The following CAMK2D variants were observed in gnomAD, a reference collection of about 807,000 sequenced individuals.
The protein encoded by CAMK2D is calcium/calmodulin dependent protein kinase II delta.
CAMK2D carries 37 observed loss-of-function variants against 84.0 expected under a neutral mutation model. That is an observed-to-expected ratio of 0.44 (90% CI 0.34 to 0.58). The LOEUF is 0.58. Among genes scored for constraint, CAMK2D ranks in the 20% least tolerant of loss-of-function variants. The pLI is 0.02. For missense variants in CAMK2D, 448 were observed against 652.5 expected (o/e 0.69, Z 3.41); for synonymous variants, 202 against 212.5 (o/e 0.95, Z 0.43).
chr4:113,523,489 T>C (rs1040931132), intron 8 of CAMK2D, among the ~76,000 whole-genome samples: 17 of 151,970 alleles, frequency 1.1e-4, no homozygotes, highest in Admixed American at 1.0e-3. Flanking sequence ...CTTTAAATTG[T>C]ACATAAAAAA....
intron 4 of CAMK2D, among the ~76,000 whole-genome samples, chr4:113,573,547 G>C (rs950395685): frequency 5.8e-4 from 89 of 152,300 alleles, no homozygotes; most frequent in African/African-American, 2.1e-3. Flanking sequence ...AAGAGGCAAG[G>C]AAATACCAAA....
chr4:113,638,392 G>A (rs931634274), intron 3 of CAMK2D, among the ~76,000 whole-genome samples: 18 of 152,234 alleles, frequency 1.2e-4, no homozygotes, highest in Admixed American at 4.6e-4. Context: ...ATGAGCCTGC[G>A]AACAATGAGA....
intron 2 of CAMK2D, among the ~76,000 whole-genome samples, chr4:113,688,910 CAAAAAAAAAAAA>C (rs34196728): frequency 3.4e-3 from 170 of 49,738 alleles, no homozygotes; most frequent in African/African-American, 0.013. Context: ...AAAGAAGATG[CAAAAAAAAAAAA>C]AAAAAAAAAA....
At chr4:113,473,880 C>A (rs926030796) in intron 16 of CAMK2D, among the ~76,000 whole-genome samples, 1 of 151,906 alleles carries the variant, frequency 6.6e-6, no homozygotes, top group South Asian at 2.1e-4. Context: ...TCACGGGTTA[C>A]AGTAAAATAT....
At chr4:113,527,346 C>T (rs2098425876) in intron 8 of CAMK2D, among the ~76,000 whole-genome samples, 1 of 151,896 alleles carries the variant, frequency 6.6e-6, no homozygotes, top group Non-Finnish European at 1.5e-5. Context: ...TCAAGATCCT[C>T]CTGGGTTGGC....
chr4:113,754,998 T>A (rs1562244924), intron 2 of CAMK2D: 1 of 983,990 alleles, frequency 1.0e-6, no homozygotes, highest in South Asian at 4.7e-5. Flanking sequence ...TAATGTATAA[T>A]CAGAACTTAA....
chr4:113,462,330 G>GTCTATCTA (rs1295226081), intron 17 of CAMK2D, among the ~76,000 whole-genome samples: 4,492 of 128,130 alleles, frequency 0.035, 115 homozygotes, highest in South Asian at 0.052. Flanking sequence ...CTGTCTGTCT[G>GTCTATCTA]TCTGTCTGTC....
Position 113,541,911 on chromosome 4 carries a change from T to A in CAMK2D, c.415-4468A>T, listed in dbSNP as rs78331191. Among the ~76,000 whole-genome samples, 1,271 of 152,302 alleles carry A rather than the reference T, an allele frequency of 8.3e-3. 19 individuals carry two copies. Among genetic ancestry groups the A allele is most frequent in the East Asian group, 0.07 (360 of 5,176 alleles). On this transcript the variant is annotated intron_variant, in intron 6 of 20. Transcript: ENST00000511664. ...TCACTTGTCTCATTTGTATACATGG[T>A]ACAAGGGATTTTAGCTTTTATTTTT...
intron 8 of CAMK2D, among the ~76,000 whole-genome samples, chr4:113,526,154 T>C (rs368316826): frequency 2.0e-5 from 3 of 152,210 alleles, no homozygotes; most frequent in Admixed American, 2.0e-4. Context: ...ACATGTGATA[T>C]TAGAACACTT....
At chr4:113,754,257 A>G (rs2099623499) in intron 2 of CAMK2D, 4 of 977,168 alleles carry the variant, frequency 4.1e-6, no homozygotes, top group Non-Finnish European at 4.9e-6. Flanking sequence ...ACACCCTAAT[A>G]AATGGGGAAG....
chr4:113,469,688 G>A (rs533842061), intron 16 of CAMK2D, among the ~76,000 whole-genome samples: 2 of 152,212 alleles, frequency 1.3e-5, no homozygotes, highest in South Asian at 4.1e-4. Flanking sequence ...CTGAGCTTAA[G>A]AACTTCCACC....
chr4:113,530,761 T>G (rs1241978823), intron 8 of CAMK2D, among the ~76,000 whole-genome samples: 1 of 152,204 alleles, frequency 6.6e-6, no homozygotes, highest in African/African-American at 2.4e-5. Flanking sequence ...ACCTTGATTT[T>G]GAATTTCCCA....
At chr4:113,652,360 A>C (rs1479554790) in intron 3 of CAMK2D, among the ~76,000 whole-genome samples, 1 of 152,188 alleles carries the variant, frequency 6.6e-6, no homozygotes, top group Non-Finnish European at 1.5e-5. Context: ...CTAGTGGTGA[A>C]GTTCTTTGGA....
At chr4:113,606,943 T>C (rs1188051225) in intron 4 of CAMK2D, among the ~76,000 whole-genome samples, 1 of 152,080 alleles carries the variant, frequency 6.6e-6, no homozygotes, top group Non-Finnish European at 1.5e-5. Flanking sequence ...ACAATTAGAA[T>C]GACAAAGATG....
chr4:113,482,654 TAG>T (rs910551573), intron 16 of CAMK2D, among the ~76,000 whole-genome samples: 1 of 152,222 alleles, frequency 6.6e-6, no homozygotes, highest in African/African-American at 2.4e-5. Context: ...AATAGTTGTA[TAG>T]AGAGGTTTTA....
chr4:113,681,776 A>G (rs1049717006), intron 2 of CAMK2D, among the ~76,000 whole-genome samples: 5 of 152,308 alleles, frequency 3.3e-5, no homozygotes, highest in Admixed American at 2.6e-4. Context: ...CTATTTAATC[A>G]AACTCTCTAC....
At chr4:113,522,646 A>G (rs2098376810) in intron 8 of CAMK2D, among the ~76,000 whole-genome samples, 1 of 152,192 alleles carries the variant, frequency 6.6e-6, no homozygotes, top group Admixed American at 6.5e-5. Context: ...GGTGGTCACC[A>G]GGGCGGCAGC....
chr4:113,583,479 T>C (rs1361924925), intron 4 of CAMK2D, among the ~76,000 whole-genome samples: 2 of 152,128 alleles, frequency 1.3e-5, no homozygotes, highest in African/African-American at 2.4e-5. Context: ...GCCTTATGAG[T>C]TGCAACTTGG....
chr4:113,611,021 G>T (rs1308052103), intron 3 of CAMK2D, among the ~76,000 whole-genome samples: 1 of 148,824 alleles, frequency 6.7e-6, no homozygotes, highest in African/African-American at 2.5e-5. Flanking sequence ...ACCAAAGATA[G>T]CTATATATAT....
Sources: allele counts gnomAD v4.1 joint callset (sites outside exome capture counted in the v4.1 genomes callset), GRCh38; gene constraint gnomAD v4.1.1; transcripts MANE v1.5; gene names NCBI Gene and HGNC (gene_info 2026-07-23, HGNC 2026-07-21).